Variants in CDC25A observed in about 807,000 individuals in gnomAD.
CDC25A encodes the protein cell division cycle 25A.
Under a neutral mutation model 64.6 loss-of-function variants are expected in CDC25A, and 17 were observed. The ratio of observed to expected loss-of-function variants is 0.26; its 90% CI spans 0.18 to 0.39. The LOEUF (loss-of-function observed/expected upper bound fraction) is 0.39. Among genes scored for constraint, CDC25A ranks in the 10% least tolerant of loss-of-function variants. The probability of loss-of-function intolerance (pLI) is 1.00; values close to 1 mark genes in which losing one functional copy is unlikely to be tolerated. For missense variants in CDC25A, 473 were observed against 654.8 expected, an observed-to-expected ratio of 0.72 and a Z score of 3.03; for synonymous variants, 229 against 238.6, an observed-to-expected ratio of 0.96 and a Z score of 0.37.
chr3:48,167,460 A>G (rs541566428), intron 10 of CDC25A, among the ~76,000 whole-genome samples: 3 of 152,318 alleles, frequency 2.0e-5, no homozygotes, highest in East Asian at 3.9e-4. Flanking sequence ...TTCAGTCTCA[A>G]TCCCAGACCT....
Position 48,165,881 on chromosome 3 carries a change from G to C in CDC25A, c.1042C>G (p.His348Asp). 1.9e-6 allele frequency: 3 copies of C among 1,596,414 alleles called. No homozygotes were observed. Among genetic ancestry groups the C allele is most frequent in the African/African-American group, 1.3e-5 (1 of 74,682 alleles). ...TCCTGATGTTTCCCAGCAACTGTAT[G>C]AAAGAGATAACCCTTAAAAAGAAAA... is the stretch of plus-strand genomic sequence containing the variant. ...IGDFSKGYLF[H>D]TVAGKHQDLK... Residue 348 changes from histidine (H) to aspartate (D), a missense_variant, in exon 11 of 15, where the codon CAT becomes GAT. By Grantham distance (81) the His-to-Asp change is moderately conservative. Around this residue, in one of 2 missense-constraint regions of CDC25A, gnomAD observed 376 missense variants for 431.9 expected, o/e 0.87. Coordinates refer to ENST00000302506, the MANE Select transcript of CDC25A (RefSeq NM_001789.3).
chr3:48,174,954 C>G (rs970611647), intron 8 of CDC25A, among the ~76,000 whole-genome samples: 1 of 152,126 alleles, frequency 6.6e-6, no homozygotes, highest in Non-Finnish European at 1.5e-5. Context: ...TGGGGATGGG[C>G]AGAGTAGCAA....
chr3:48,186,631 C>A, intron 2 of CDC25A, 72 bp downstream of exon 2: 5 of 847,048 alleles, frequency 5.9e-6, no homozygotes, highest in Admixed American at 2.2e-5. Flanking sequence ...CTCACCAAAA[C>A]TAACCTCCTG....
Position 48,168,360 on chromosome 3 carries a change from C to CACA in CDC25A, c.931-417_931-416insTGT, listed in dbSNP as rs2032122978. Among the ~76,000 whole-genome samples the CACA allele has an allele frequency of 7.5e-5, 8 of 106,606 alleles. No individual in the cohort carries two copies. The East Asian group carries it at 2.5e-3, about 34-fold the overall frequency. 69.9% of individuals were successfully genotyped at this position (106,606 alleles called of 152,430 possible). Reference sequence around the variant, plus strand: ...ACCAGATCAAAGAGCAAGACCCTGTCCACACACACACACACACACACACAC... The same window carrying CACA: ...ACCAGATCAAAGAGCAAGACCCTGTCACACACACACACACACACACACACACAC... On this transcript the variant is annotated intron_variant, in intron 9 of 14. Transcript: ENST00000302506.
chr3:48,177,799 C>T, intron 7 of CDC25A, 55 bp downstream of exon 7: 1 of 1,602,342 alleles, frequency 6.2e-7, no homozygotes, highest in Non-Finnish European at 8.5e-7. Flanking sequence ...CATGCCTTCT[C>T]CAGAGGTAAT....
At chr3:48,162,679 C>G (rs894173403) in intron 13 of CDC25A, among the ~76,000 whole-genome samples, 1 of 151,540 alleles carries the variant, frequency 6.6e-6, no homozygotes, top group Non-Finnish European at 1.5e-5. Context: ...AACCCTGTCT[C>G]TACTAAAAAT....
rs745725461 is a variant in CDC25A at position 48,186,719 on chromosome 3, G to A, written c.231C>T (p.Ser77=). The A allele has an allele frequency of 6.9e-6, 11 of 1,598,614 alleles. No homozygotes were observed. Among genetic ancestry groups the A allele is most frequent in the South Asian group, 1.1e-5 (1 of 89,432 alleles). ...CTTAAATACCTGAATCTGTTGACTCGGAGGAGCCCATTCTCTGCAGATTAC... is the reference window on the plus strand; with the variant it reads ...CTTAAATACCTGAATCTGTTGACTCAGAGGAGCCCATTCTCTGCAGATTAC... ...NNSNLQRMGS[S]ESTDSGFCLD... Residue 77 remains serine, a synonymous_variant, in exon 2 of 15, where the codon TCC becomes TCT. Coordinates refer to ENST00000302506, the MANE Select transcript of CDC25A (RefSeq NM_001789.3).
At chr3:48,170,970 C>T (rs1476099406) in intron 9 of CDC25A, among the ~76,000 whole-genome samples, 3 of 151,998 alleles carry the variant, frequency 2.0e-5, no homozygotes, top group Non-Finnish European at 4.4e-5. Flanking sequence ...TAAACCAAAA[C>T]ATGAGGGCCA....
intron 12 of CDC25A, among the ~76,000 whole-genome samples, chr3:48,164,902 G>GT (rs1383098022): frequency 2.0e-5 from 3 of 151,146 alleles, no homozygotes; most frequent in Non-Finnish European, 4.4e-5. Flanking sequence ...GAGCTCAGGA[G>GT]TTTGAGACCA....
chr3:48,167,335 T>C (rs2032065534), intron 10 of CDC25A, among the ~76,000 whole-genome samples: 1 of 152,246 alleles, frequency 6.6e-6, no homozygotes, highest in Non-Finnish European at 1.5e-5. Flanking sequence ...TGTCCTAGCC[T>C]TGTATTTTAC....
rs2032900957 is a variant in CDC25A at position 48,187,796 on chromosome 3, T to C, written c.152A>G (p.Gln51Arg). The change falls in exon 1 of 15, where the codon CAG becomes CGG. Residue 51 changes from glutamine (Q) to arginine (R), a missense_variant. Coordinates refer to ENST00000302506, the MANE Select transcript of CDC25A (RefSeq NM_001789.3). ...TCCTTACCTGCCCAGACCCTGCAGCTGGTCCATAGTGACGGTCAGGTTGGT... is the reference window on the plus strand; with the variant it reads ...TCCTTACCTGCCCAGACCCTGCAGCCGGTCCATAGTGACGGTCAGGTTGGT... ...PVTNLTVTMD[Q>R]LQGLGSDYEQ... 6.5e-7 allele frequency: 1 copy of C among 1,547,780 alleles called. No homozygotes were observed.
chr3:48,175,140 C>CA (rs2032408671), intron 8 of CDC25A, among the ~76,000 whole-genome samples: 1 of 152,050 alleles, frequency 6.6e-6, no homozygotes, highest in African/African-American at 2.4e-5. Context: ...ATTAAAAATA[C>CA]AAAAAAATTA....
chr3:48,164,501 G>A (rs2031920576), intron 12 of CDC25A, 64 bp from the exon 13 acceptor site: 5 of 1,384,192 alleles, frequency 3.6e-6, no homozygotes, highest in Admixed American at 3.0e-5. Context: ...GATTCAGCAA[G>A]ATGTAATGAT....
Position 48,174,451 on chromosome 3 carries a change from G to T in CDC25A, c.763C>A (p.Arg255=). ...GAAGGGGAGTCAAACAGCTTGCATC[G>T]GTTGTCCTTACAGGAAAAAAAACAG... ...LVMRTTNLDN[R]CKLFDSPSLC... The change falls in exon 9 of 15, where the codon CGA becomes AGA. Residue 255 remains arginine, a synonymous_variant. Transcript: ENST00000302506. The T allele has an allele frequency of 1.2e-6, 2 of 1,606,492 alleles. No individual in the cohort carries two copies. Among genetic ancestry groups the T allele is most frequent in the Non-Finnish European group, 1.7e-6 (2 of 1,177,922 alleles).
intron 6 of CDC25A, 85 bp from the exon 7 acceptor site, chr3:48,178,073 A>T: frequency 7.4e-7 from 1 of 1,345,376 alleles, no homozygotes; most frequent in Non-Finnish European, 1.0e-6. Flanking sequence ...TTATGATGAA[A>T]ACATACTATG....
intron 2 of CDC25A, among the ~76,000 whole-genome samples, chr3:48,186,163 T>A (rs2032835567): frequency 6.6e-6 from 1 of 152,238 alleles, no homozygotes; most frequent in Admixed American, 6.5e-5. Context: ...GTATGGTGAA[T>A]TATACTTTAC....
intron 7 of CDC25A, 45 bp downstream of exon 7, chr3:48,177,805 GTAAT>G (rs770949612): frequency 4.4e-6 from 7 of 1,602,516 alleles, no homozygotes; most frequent in Non-Finnish European, 3.4e-6. Context: ...TTCTCCAGAG[GTAAT>G]TAATTAGTAG....
chr3:48,181,610 T>A (rs1161802806), intron 5 of CDC25A: 44 of 1,497,862 alleles, frequency 2.9e-5, no homozygotes, highest in Non-Finnish European at 3.8e-5. Flanking sequence ...CCCTATGGGA[T>A]TTGTCACTGG....
chr3:48,174,151 CCA>C (rs367917762), intron 9 of CDC25A, 131 bp downstream of exon 9: 3,960 of 676,476 alleles, frequency 5.9e-3, no homozygotes, highest in South Asian at 7.8e-3. Context: ...ACACACACAC[CCA>C]CACACACACA....
Sources: gnomAD v4.1 joint callset for allele counts (sites outside exome capture counted in the v4.1 genomes callset) on GRCh38, gnomAD v4.1.1 for gene constraint, gnomAD v4.1.1 regional missense constraint, MANE v1.5 for transcripts, NCBI Gene and HGNC (gene_info 2026-07-23, HGNC 2026-07-21) for gene names.